The following CYP2C19 variants were observed in gnomAD, a reference collection of about 807,000 sequenced individuals.
CYP2C19 encodes the protein cytochrome P450 family 2 subfamily C member 19, also known as cytochrome P450 2C19.
CYP2C19 carries 59 observed loss-of-function variants against 40.9 expected under a neutral mutation model. That is an observed-to-expected ratio of 1.44 (90% CI 1.17 to 1.79). The LOEUF (loss-of-function observed/expected upper bound fraction) is 1.79, where lower values mean the gene tolerates loss of function less well. Ranked by LOEUF, CYP2C19 falls within the 40% of genes most tolerant of loss-of-function variation. CYP2C19 has a pLI of 0.00. For missense variants in CYP2C19, 754 were observed against 596.9 expected, an observed-to-expected ratio of 1.26 and a Z score of -2.74; for synonymous variants, 253 against 208.7, an observed-to-expected ratio of 1.21 and a Z score of -1.83.
chr10:94,839,781 T>C (rs193189055), intron 6 of CYP2C19, among the ~76,000 whole-genome samples: 4 of 152,346 alleles, frequency 2.6e-5, no homozygotes, highest in African/African-American at 7.2e-5. Flanking sequence ...CTCAGTCACC[T>C]GGGAGGAACC....
rs538195000 is a variant in CYP2C19 at position 94,803,142 on chromosome 10, T to A, written c.820-17354T>A. Among the ~76,000 whole-genome samples the A allele has an allele frequency of 2.0e-5, 3 of 152,330 alleles. No individual in the cohort carries two copies. In the East Asian group the frequency reaches 5.8e-4, roughly 29 times the overall value. ...TTTACAATATTCAGATATTTCATGG[T>A]GCCAGAATTCTTATGCTGGTTTCTT... is the stretch of plus-strand genomic sequence containing the variant. On this transcript the variant is annotated intron_variant, in intron 5 of 8. Transcript: ENST00000371321.
At chr10:94,816,329 G>T (rs1404340579) in intron 5 of CYP2C19, among the ~76,000 whole-genome samples, 1 of 150,022 alleles carries the variant, frequency 6.7e-6, no homozygotes, top group Non-Finnish European at 1.5e-5. Context: ...GCAAAACAAA[G>T]TAGCCGGTAT....
intron 5 of CYP2C19, among the ~76,000 whole-genome samples, chr10:94,815,755 T>C (rs1342671025): frequency 2.0e-5 from 3 of 152,238 alleles, no homozygotes; most frequent in Non-Finnish European, 2.9e-5. Context: ...CATCTTGTCA[T>C]TGTAAACTCA....
chr10:94,790,681 C>T (rs1236270432), intron 5 of CYP2C19, among the ~76,000 whole-genome samples: 1 of 152,044 alleles, frequency 6.6e-6, no homozygotes, highest in Non-Finnish European at 1.5e-5. Flanking sequence ...AGCCTTGCAT[C>T]CCCGGGATGA....
intron 5 of CYP2C19, among the ~76,000 whole-genome samples, chr10:94,810,266 G>A: frequency 6.6e-6 from 1 of 152,180 alleles, no homozygotes. Flanking sequence ...TTTTTGAAGT[G>A]CTGCTGGATT....
chr10:94,820,871 G>T lies in CYP2C19; in HGVS notation c.961+234G>T, dbSNP rs188705974. On this transcript the variant is annotated intron_variant, in intron 6 of 8. Coordinates refer to ENST00000371321, the MANE Select transcript of CYP2C19 (RefSeq NM_000769.4). ...AGGCCTAGGTGGGTGGACCATTGAG[G>T]CTAGGAGTTCAAGACCAGCCTGGCC... Among the ~76,000 whole-genome samples the T allele has an allele frequency of 2.5e-3, 386 of 152,250 alleles. 2 individuals carry two copies. Among genetic ancestry groups the T allele is most frequent in the Non-Finnish European group, 4.1e-3 (281 of 68,008 alleles).
At chr10:94,821,974 T>C (rs1233113888) in intron 6 of CYP2C19, among the ~76,000 whole-genome samples, 1 of 152,186 alleles carries the variant, frequency 6.6e-6, no homozygotes, top group Non-Finnish European at 1.5e-5. Flanking sequence ...TCAGTGTCTA[T>C]TGTTCCCATC....
chr10:94,853,073 C>G lies in CYP2C19; in HGVS notation c.*159C>G. On this transcript the variant is annotated 3_prime_UTR_variant, in exon 9 of 9. Transcript: ENST00000371321. ...TTCAGCCTCCATTAAAAAAGTTTCA[C>G]TGTGCAAATATATCTGCTATTCCCC... 3 of 728,376 alleles carry G rather than the reference C, an allele frequency of 4.1e-6. No individual in the cohort carries two copies. Among genetic ancestry groups the G allele is most frequent in the South Asian group, 1.9e-5 (1 of 53,020 alleles). 45.1% of individuals were successfully genotyped at this position (728,376 alleles called of 1,614,324 possible).
intron 6 of CYP2C19, among the ~76,000 whole-genome samples, chr10:94,823,912 G>T (rs1849169537): frequency 1.3e-5 from 2 of 152,210 alleles, no homozygotes. Flanking sequence ...CTTGCACCAG[G>T]CCTAGAAAAC....
chr10:94,776,868 T>C (rs1009039586), intron 3 of CYP2C19, among the ~76,000 whole-genome samples: 1 of 152,076 alleles, frequency 6.6e-6, no homozygotes, highest in Non-Finnish European at 1.5e-5. Flanking sequence ...ATTGTCTCTG[T>C]TTACAGATGA....
intron 5 of CYP2C19, among the ~76,000 whole-genome samples, chr10:94,784,486 T>C (rs1423050533): frequency 6.6e-6 from 1 of 152,174 alleles, no homozygotes; most frequent in East Asian, 1.9e-4. Context: ...CTACAGTGAA[T>C]GTGGCATTTT....
chr10:94,802,994 C>T (rs180968905), intron 5 of CYP2C19, among the ~76,000 whole-genome samples: 1 of 152,246 alleles, frequency 6.6e-6, no homozygotes, highest in East Asian at 1.9e-4. Context: ...GGTAACCCAA[C>T]CTCTCTGGCT....
chr10:94,808,910 T>A lies in CYP2C19; in HGVS notation c.820-11586T>A, dbSNP rs138787780. Reference sequence around the variant, plus strand: ...TGAAACAAACATGGGAGTGTAGATATCTCTTCAATATACTGATTTCCTTTC... The same window carrying A: ...TGAAACAAACATGGGAGTGTAGATAACTCTTCAATATACTGATTTCCTTTC... On this transcript the variant is annotated intron_variant, in intron 5 of 8. Transcript: ENST00000371321. 3.4e-3 allele frequency among the ~76,000 whole-genome samples: 519 copies of A among 152,236 alleles called. 2 individuals are homozygous for A. Among genetic ancestry groups the A allele is most frequent in the African/African-American group, 0.012 (502 of 41,554 alleles).
At chr10:94,827,284 T>C (rs1849242817) in intron 6 of CYP2C19, among the ~76,000 whole-genome samples, 1 of 152,070 alleles carries the variant, frequency 6.6e-6, no homozygotes, top group African/African-American at 2.4e-5. Flanking sequence ...TGTGAATCCG[T>C]CTGGTCCTGG....
intron 1 of CYP2C19, among the ~76,000 whole-genome samples, chr10:94,769,523 G>C (rs1031963840): frequency 1.3e-5 from 2 of 152,180 alleles, no homozygotes; most frequent in Non-Finnish European, 2.9e-5. Flanking sequence ...TTTAGGGGTT[G>C]GGTACAACTG....
Position 94,810,776 on chromosome 10 carries a change from CT to C in CYP2C19, c.820-9716del, listed in dbSNP as rs1848911127. Among the ~76,000 whole-genome samples the C allele has an allele frequency of 2.6e-5, 4 of 152,140 alleles. No individual in the cohort carries two copies. The South Asian group carries it at 6.2e-4, about 24-fold the overall frequency. On this transcript the variant is annotated intron_variant, in intron 5 of 8. Coordinates refer to ENST00000371321, the MANE Select transcript of CYP2C19 (RefSeq NM_000769.4). ...TGTTCTCTCTATTTGATTCTTCTTT[CT>C]TTTCTTCTTTATTAGTCTGGCTAGC...
chr10:94,813,054 T>G (rs1848950406), intron 5 of CYP2C19, among the ~76,000 whole-genome samples: 1 of 151,956 alleles, frequency 6.6e-6, no homozygotes, highest in Non-Finnish European at 1.5e-5. Flanking sequence ...GTTTTTTGCG[T>G]GGACATCCTT....
intron 5 of CYP2C19, among the ~76,000 whole-genome samples, chr10:94,793,275 T>A (rs1273636433): frequency 6.6e-6 from 1 of 152,164 alleles, no homozygotes; most frequent in Non-Finnish European, 1.5e-5. Context: ...TTCAAGGTTT[T>A]AACTTCTTTG....
At chr10:94,780,195 T>A (rs906868767) in intron 3 of CYP2C19, among the ~76,000 whole-genome samples, 3 of 152,114 alleles carry the variant, frequency 2.0e-5, no homozygotes, top group Non-Finnish European at 4.4e-5. Context: ...CCTCTGAAAC[T>A]TGAATTATTT....
Sources: gnomAD v4.1 joint callset for allele counts (sites outside exome capture counted in the v4.1 genomes callset) on GRCh38, gnomAD v4.1.1 for gene constraint, MANE v1.5 for transcripts, NCBI Gene and HGNC (gene_info 2026-07-23, HGNC 2026-07-21) for gene names.